The following MCOLN1 variants were observed in gnomAD, a reference collection of about 807,000 sequenced individuals.
MCOLN1 encodes the protein mucolipin TRP cation channel 1, also known as mucolipin-1.
Under a neutral mutation model 70.3 loss-of-function variants are expected in MCOLN1, and 50 were observed. That is an observed-to-expected ratio of 0.71 (90% CI 0.57 to 0.90). The LOEUF (loss-of-function observed/expected upper bound fraction) is 0.90. Among genes scored for constraint, MCOLN1 ranks in the 40% least tolerant of loss-of-function variants. MCOLN1 has a pLI of 0.00. For missense variants in MCOLN1, 598 were observed against 803.5 expected (o/e 0.74, Z 3.09); for synonymous variants, 366 against 341.0 (o/e 1.07, Z -0.81).
intron 1 of MCOLN1, among the ~76,000 whole-genome samples, chr19:7,523,129 C>T (rs2022518798): frequency 6.6e-6 from 1 of 152,228 alleles, no homozygotes; most frequent in African/African-American, 2.4e-5. Context: ...ACCAGCTTCT[C>T]CAACCCGCAC....
intron 12 of MCOLN1, 28 bp downstream of exon 12, chr19:7,530,529 T>C: frequency 6.3e-7 from 1 of 1,594,090 alleles, no homozygotes; most frequent in Non-Finnish European, 8.5e-7. Context: ...AGCCCTGAGC[T>C]CGGGCTCTGG....
chr19:7,522,925 A>T, intron 1 of MCOLN1, 144 bp downstream of exon 1: 1 of 719,484 alleles, frequency 1.4e-6, no homozygotes, highest in Non-Finnish European at 2.0e-6. Flanking sequence ...GACGGCTCCT[A>T]GAACTTGGGC....
At chr19:7,530,704 T>G (rs2022643632) in intron 12 of MCOLN1, among the ~76,000 whole-genome samples, 1 of 152,134 alleles carries the variant, frequency 6.6e-6, no homozygotes, top group Non-Finnish European at 1.5e-5. Flanking sequence ...GGGGCCTGAG[T>G]CAGTCTTTGC....
In MCOLN1 at chr19:7,533,801, C is replaced by G; in HGVS notation, c.*6C>G. On this transcript the variant is annotated 3_prime_UTR_variant, in exon 14 of 14. Transcript: ENST00000264079. ...ATTCGCTGCTGGTGAATTGATTCGA[C>G]CTGACTGCCGTTGGACCGTAGGCCC... 2.5e-6 allele frequency: 4 copies of G among 1,614,172 alleles called. No individual in the cohort carries two copies. Among genetic ancestry groups the G allele is most frequent in the Non-Finnish European group, 3.4e-6 (4 of 1,180,020 alleles).
rs1390640905 is a variant in MCOLN1 at position 7,528,495 on chromosome 19, C to G, written c.878-102C>G. ...CCTGAGCCCACTGACCAACCAAAAC[C>G]AGCCGTGCAGCCCCCTAGGTCTCCA... On this transcript the variant is annotated intron_variant, in intron 7 of 13. Coordinates refer to ENST00000264079, the MANE Select transcript of MCOLN1 (RefSeq NM_020533.3). This position sits in a 1 kb window ranked among gnomAD's most constrained non-coding sequence, Gnocchi z 4.2. 6.0e-6 allele frequency: 9 copies of G among 1,494,950 alleles called. No homozygotes were observed. Among genetic ancestry groups the G allele is most frequent in the Middle Eastern group, 2.3e-4 (1 of 4,346 alleles). 92.6% of individuals were successfully genotyped at this position (1,494,950 alleles called of 1,614,324 possible). A position where few individuals can be genotyped will look rare whatever the true frequency, so the allele number is the denominator to read the frequency against.
In MCOLN1 at chr19:7,526,755, C is replaced by G; in HGVS notation, c.406-6C>G. 6.2e-7 allele frequency: 1 copy of G among 1,613,704 alleles called. No homozygotes were observed. The highest frequency in any genetic ancestry group is 8.5e-7 in the Non-Finnish European group (1 of 1,180,026). ...ACTCACAGGCCCTCCCCTTCTCTGC[C>G]CACAGTACCTGGCGTTGCCTGACGT... is the stretch of plus-strand genomic sequence containing the variant. On this transcript the variant is annotated splice_region_variant and splice_polypyrimidine_tract_variant and intron_variant, in intron 3 of 13. Transcript: ENST00000264079. This position sits in a 1 kb window ranked among gnomAD's most constrained non-coding sequence, Gnocchi z 4.6.
At chr19:7,529,265 C>T in intron 10 of MCOLN1, 63 bp downstream of exon 10, 1 of 1,448,020 alleles carries the variant, frequency 6.9e-7, no homozygotes, top group Non-Finnish European at 9.6e-7. Context: ...AAATAAATCC[C>T]TACACACGCA....
At chr19:7,523,411 T>C (rs1158385656) in intron 1 of MCOLN1, among the ~76,000 whole-genome samples, 1 of 152,224 alleles carries the variant, frequency 6.6e-6, no homozygotes, top group Non-Finnish European at 1.5e-5. Context: ...GTGTCCCAGC[T>C]AGTAGGGTCT....
intron 9 of MCOLN1, 32 bp downstream of exon 9, chr19:7,529,002 C>G: frequency 6.2e-7 from 1 of 1,613,988 alleles, no homozygotes; most frequent in East Asian, 2.2e-5. Flanking sequence ...GGCCCCAGGT[C>G]CCATCCCTGC....
In MCOLN1 at chr19:7,524,658, G is replaced by T. The variant is rs1278737885; in HGVS notation, c.32-303G>T. Among the ~76,000 whole-genome samples, 1 of 152,204 alleles carries T rather than the reference G, an allele frequency of 6.6e-6. No individual in the cohort carries two copies. The highest frequency in any genetic ancestry group is 1.5e-5 in the Non-Finnish European group (1 of 68,044). The stretch of plus-strand genomic sequence containing the variant: ...CATCCAGTCCTTAGCGTTCCCATGA[G>T]ACATATTATTGCCCCATTTCGCAGA... On this transcript the variant is annotated intron_variant, in intron 1 of 13. Transcript: ENST00000264079. The surrounding 1 kb of genome is among the most constrained non-coding windows in gnomAD (Gnocchi z 4.1).
Position 7,526,222 on chromosome 19 carries a change from G to A in MCOLN1, c.238-217G>A, listed in dbSNP as rs951493884. 7 of 625,028 alleles carry A rather than the reference G, an allele frequency of 1.1e-5. No homozygotes were observed. The highest frequency in any genetic ancestry group is 3.7e-4 in the Middle Eastern group (1 of 2,700). 38.7% of individuals were successfully genotyped at this position (625,028 alleles called of 1,614,324 possible). ...TACGGGGGAGGACACAGTGGTGGGC[G>A]TGGCATGGAGCTTATGCCAGGAGGT... On this transcript the variant is annotated intron_variant, in intron 2 of 13. Transcript: ENST00000264079. This position sits in a 1 kb window ranked among gnomAD's most constrained non-coding sequence, Gnocchi z 4.6.
In MCOLN1 at chr19:7,526,345, G is replaced by T; in HGVS notation, c.238-94G>T. ...GCCCCACCCCAGTGGACATCTGCAGGGCCCTCCCTGTCCTCTTCCAGGGCC... is the reference window on the plus strand; with the variant it reads ...GCCCCACCCCAGTGGACATCTGCAGTGCCCTCCCTGTCCTCTTCCAGGGCC... On this transcript the variant is annotated intron_variant, in intron 2 of 13. Transcript: ENST00000264079. This position sits in a 1 kb window ranked among gnomAD's most constrained non-coding sequence, Gnocchi z 4.6. The T allele has an allele frequency of 3.4e-6, 5 of 1,473,128 alleles. No individual in the cohort carries two copies. In the South Asian group the frequency reaches 5.7e-5, roughly 17 times the overall value. The allele number at this position is 1,473,128 out of a possible 1,614,324, so 91.3% of individuals were successfully genotyped here.
chr19:7,533,545 A>T lies in MCOLN1; in HGVS notation c.1598A>T (p.Glu533Val). 1 of 1,611,618 alleles carries T rather than the reference A, an allele frequency of 6.2e-7. No homozygotes were observed. Among genetic ancestry groups the T allele is most frequent in the Non-Finnish European group, 8.5e-7 (1 of 1,179,866 alleles). ...TIKHPGGAGA[E>V]ESELQAYIAQ... The stretch of plus-strand genomic sequence containing the variant: ...CAGCATCCCGGCGGCGCAGGCGCAG[A>T]GGAGAGCGAGCTGCAGGCCTACATC... The change falls in exon 13 of 14, where the codon GAG becomes GTG. Residue 533 changes from glutamate to valine, a missense_variant. Glu to Val is a moderately radical substitution (Grantham distance 121). Around this residue, in one of 3 missense-constraint regions of MCOLN1, gnomAD observed 78 missense variants for 156.2 expected, o/e 0.50. Coordinates refer to ENST00000264079, the MANE Select transcript of MCOLN1 (RefSeq NM_020533.3).
In MCOLN1 at chr19:7,524,679, G is replaced by A. The variant is rs1487507069; in HGVS notation, c.32-282G>A. On this transcript the variant is annotated intron_variant, in intron 1 of 13. Transcript: ENST00000264079. The surrounding 1 kb of genome is among the most constrained non-coding windows in gnomAD (Gnocchi z 4.1). Reference sequence around the variant, plus strand: ...ATGAGACATATTATTGCCCCATTTCGCAGATGAGGAAACTGAGGCTCAGAG... The same window carrying A: ...ATGAGACATATTATTGCCCCATTTCACAGATGAGGAAACTGAGGCTCAGAG... 1.1e-4 allele frequency among the ~76,000 whole-genome samples: 16 copies of A among 152,250 alleles called. No individual in the cohort carries two copies. Among genetic ancestry groups the A allele is most frequent in the South Asian group, 2.1e-4 (1 of 4,822 alleles).
intron 10 of MCOLN1, 89 bp from the exon 11 acceptor site, chr19:7,529,501 G>GGGGGCC: frequency 1.3e-6 from 1 of 747,246 alleles, no homozygotes; most frequent in Non-Finnish European, 2.3e-6. Context: ...CCTCGGCAAG[G>GGGGGCC]CCCCGCCCCT....
chr19:7,531,495 C>G (rs1331903125), intron 12 of MCOLN1, among the ~76,000 whole-genome samples: 1 of 152,090 alleles, frequency 6.6e-6, no homozygotes, highest in Non-Finnish European at 1.5e-5. Context: ...GCCACTGAAC[C>G]CAGCTAAGTC....
At position 7,528,078 on chromosome 19, in the gene MCOLN1, G is replaced by A; in HGVS notation, c.778-80G>A. 6.5e-7 allele frequency: 1 copy of A among 1,544,540 alleles called. No individual in the cohort carries two copies. Among genetic ancestry groups the A allele is most frequent in the East Asian group, 2.2e-5 (1 of 44,530 alleles). On this transcript the variant is annotated intron_variant, in intron 6 of 13. Coordinates refer to ENST00000264079, the MANE Select transcript of MCOLN1 (RefSeq NM_020533.3). This position sits in a 1 kb window ranked among gnomAD's most constrained non-coding sequence, Gnocchi z 4.2. The stretch of plus-strand genomic sequence containing the variant: ...GCGGGTGATGAGGGAGGGAGCCCGG[G>A]GTCTGTCAGGCCACCTGTCATGTGG...
At chr19:7,522,841 C>G (rs1226939672) in intron 1 of MCOLN1, 60 bp downstream of exon 1, 1 of 1,284,476 alleles carries the variant, frequency 7.8e-7, no homozygotes, top group Non-Finnish European at 9.9e-7. Context: ...GTGTCTCCCA[C>G]CTGGGGCGGC....
intron 12 of MCOLN1, chr19:7,533,254 C>T: frequency 1.7e-6 from 1 of 576,146 alleles, no homozygotes; most frequent in South Asian, 2.0e-5. Context: ...GAGGTCATGT[C>T]AGCCCTGGCT....
Sources: allele counts gnomAD v4.1 joint callset (sites outside exome capture counted in the v4.1 genomes callset), GRCh38; gene constraint gnomAD v4.1.1; regional missense constraint gnomAD v4.1.1; non-coding constraint Gnocchi (gnomAD v3.1); transcripts MANE v1.5; gene names NCBI Gene and HGNC (gene_info 2026-07-23, HGNC 2026-07-21).